CAST: variants seen among roughly 807,000 people sequenced by gnomAD.
CAST encodes the protein MIR583 host.
Under a neutral mutation model 119.6 loss-of-function variants are expected in CAST, and 76 were observed. The observed-to-expected ratio is 0.64, with a 90% CI of 0.53 to 0.77. The LOEUF (loss-of-function observed/expected upper bound fraction) is 0.77. CAST is among the 30% of genes least tolerant of loss of function. CAST has a pLI of 0.00. For synonymous variants in CAST, 319 were observed against 331.6 expected (o/e 0.96, Z 0.41); for missense variants, 953 against 946.5 (o/e 1.01, Z -0.09).
In CAST at chr5:96,746,418, C is replaced by G. The variant is rs1259084346; in HGVS notation, c.1277C>G (p.Pro426Arg). 2 of 1,597,144 alleles carry G rather than the reference C, an allele frequency of 1.3e-6. No individual in the cohort carries two copies. Among genetic ancestry groups the G allele is most frequent in the African/African-American group, 1.3e-5 (1 of 74,652 alleles). ...ATCCCATCTGAGTACAGATTAAAAC[C>G]AGCCACGGTAAATTTTTAGCCACAG... The part of the protein sequence containing the change: ...ETIPSEYRLK[P>R]ATDKDGKPLL... Residue 426 changes from proline to arginine, a missense_variant, in exon 17 of 32, where the codon CCA (proline) becomes CGA (arginine). Pro to Arg is a moderately radical substitution (Grantham distance 103). Transcript: ENST00000675179.
At chr5:96,687,392 CAT>C (rs1412273386) in intron 2 of CAST, among the ~76,000 whole-genome samples, 10 of 152,192 alleles carry the variant, frequency 6.6e-5, no homozygotes, top group African/African-American at 2.4e-4. Flanking sequence ...AGACACTTCA[CAT>C]GTTATAGATG....
intron 24 of CAST, 135 bp downstream of exon 24, chr5:96,757,789 C>G: frequency 1.6e-6 from 1 of 632,686 alleles, no homozygotes; most frequent in Non-Finnish European, 2.7e-6. Flanking sequence ...CTTCCAGATT[C>G]AAGCGATTCT....
chr5:96,270,099 T>G, the CAST span, among the ~76,000 whole-genome samples: 1 of 152,134 alleles, frequency 6.6e-6, no homozygotes. Context: ...TGCAAATCAA[T>G]AAACATGATA....
chr5:96,147,323 G>T, the CAST span, among the ~76,000 whole-genome samples: 1 of 152,280 alleles, frequency 6.6e-6, no homozygotes, highest in South Asian at 2.1e-4. Context: ...AATAATTTGG[G>T]GCCGGGCGCG....
At chr5:96,199,902 G>A in the CAST span, among the ~76,000 whole-genome samples, 16 of 152,008 alleles carry the variant, frequency 1.1e-4, no homozygotes, top group East Asian at 2.1e-3. Context: ...TTAGTTCTCC[G>A]GTAGCCTTCT....
the CAST span, among the ~76,000 whole-genome samples, chr5:96,138,700 T>C: frequency 2.0e-5 from 3 of 151,992 alleles, no homozygotes; most frequent in Admixed American, 6.6e-5. Context: ...ATAAGTATTT[T>C]ATTTTATTTT....
the CAST span, among the ~76,000 whole-genome samples, chr5:96,335,622 G>A: frequency 6.6e-6 from 1 of 152,142 alleles, no homozygotes; most frequent in Non-Finnish European, 1.5e-5. Context: ...AGTAATGACT[G>A]TCTAGTTCAA....
At chr5:96,569,017 G>A (rs1746526428) in intron 1 of CAST, among the ~76,000 whole-genome samples, 2 of 152,188 alleles carry the variant, frequency 1.3e-5, no homozygotes, top group African/African-American at 4.8e-5. Context: ...TCTGGACATT[G>A]CCACTCCAGG....
At chr5:96,616,751 T>TACACAC (rs1260243045) in intron 1 of CAST, among the ~76,000 whole-genome samples, 62 of 118,514 alleles carry the variant, frequency 5.2e-4, no homozygotes, top group Admixed American at 8.0e-4. Flanking sequence ...TCTCTATATA[T>TACACAC]ATACACACAC....
the CAST span, among the ~76,000 whole-genome samples, chr5:96,332,808 A>G: frequency 6.6e-6 from 1 of 152,134 alleles, no homozygotes; most frequent in East Asian, 1.9e-4. Flanking sequence ...CACCCCATTG[A>G]GGCTTGAGTT....
chr5:96,420,618 C>G, the CAST span, among the ~76,000 whole-genome samples: 1 of 152,124 alleles, frequency 6.6e-6, no homozygotes. Flanking sequence ...AGTCCATGTA[C>G]CCCAGCCTCC....
the CAST span, chr5:96,391,769 C>T: frequency 6.6e-6 from 1 of 152,132 alleles, no homozygotes; most frequent in Non-Finnish European, 1.5e-5. Flanking sequence ...AAGATGGGTC[C>T]GAGAATGAGG....
the CAST span, among the ~76,000 whole-genome samples, chr5:96,502,656 C>CTTTCTTTCT: frequency 6.8e-6 from 1 of 146,344 alleles, no homozygotes; most frequent in African/African-American, 2.5e-5. Context: ...TTCTTTCTTT[C>CTTTCTTTCT]TTTCTTTCTT....
the CAST span, among the ~76,000 whole-genome samples, chr5:96,472,236 A>T: frequency 6.6e-6 from 1 of 152,220 alleles, no homozygotes; most frequent in African/African-American, 2.4e-5. Flanking sequence ...CAATTGTGGA[A>T]CTGCCTGAAA....
chr5:96,083,712 T>C, the CAST span, among the ~76,000 whole-genome samples: 1 of 152,156 alleles, frequency 6.6e-6, no homozygotes, highest in Non-Finnish European at 1.5e-5. Flanking sequence ...CACCATAAAT[T>C]GACTTGATGT....
the CAST span, among the ~76,000 whole-genome samples, chr5:95,987,979 T>C: frequency 1.3e-5 from 2 of 152,218 alleles, no homozygotes; most frequent in Non-Finnish European, 2.9e-5. Flanking sequence ...AAAGTGCTGA[T>C]CTACATTCTA....
intron 1 of CAST, among the ~76,000 whole-genome samples, chr5:96,610,403 A>C (rs1580844655): frequency 6.6e-6 from 1 of 152,242 alleles, no homozygotes; most frequent in African/African-American, 2.4e-5. Flanking sequence ...ACACAAACAG[A>C]ATTAAAAACA....
chr5:96,388,898 C>T, the CAST span, among the ~76,000 whole-genome samples: 1 of 151,822 alleles, frequency 6.6e-6, no homozygotes, highest in Non-Finnish European at 1.5e-5. Context: ...CATATATATA[C>T]ACACACACAT....
At chr5:96,102,459 G>T in the CAST span, among the ~76,000 whole-genome samples, 1 of 152,104 alleles carries the variant, frequency 6.6e-6, no homozygotes, top group Non-Finnish European at 1.5e-5. Context: ...GGCACAGGAT[G>T]GGGGGCAATA....
Sources: allele counts gnomAD v4.1 joint callset (sites outside exome capture counted in the v4.1 genomes callset), GRCh38; gene constraint gnomAD v4.1.1; transcripts MANE v1.5; gene names NCBI Gene and HGNC (gene_info 2026-07-23, HGNC 2026-07-21).